Variants in ARHGAP6 observed in about 807,000 individuals in gnomAD.
The protein encoded by ARHGAP6 is Rho GTPase activating protein 6.
ARHGAP6 carries 16 observed loss-of-function variants against 55.7 expected under a neutral mutation model. The observed-to-expected ratio is 0.29, with a 90% confidence interval of 0.19 to 0.44. The LOEUF is 0.44. Among genes scored for constraint, ARHGAP6 ranks in the 20% least tolerant of loss-of-function variants. ARHGAP6 has a pLI of 1.00. For synonymous variants in ARHGAP6, 382 were observed against 360.9 expected (o/e 1.06, Z -0.66); for missense variants, 698 against 808.9 (o/e 0.86, Z 1.66).
At chrX:11,396,425 C>T (rs2049478519) in intron 1 of ARHGAP6, among the ~76,000 whole-genome samples, 1 of 111,260 alleles carries the variant, frequency 9.0e-6, no homozygotes, top group South Asian at 3.8e-4. Context: ...ATGACTGCTC[C>T]CTCTTACTGT....
intron 2 of ARHGAP6, among the ~76,000 whole-genome samples, chrX:11,234,621 A>G (rs1257818179): frequency 2.7e-5 from 3 of 112,395 alleles, no homozygotes; most frequent in Non-Finnish European, 5.6e-5. Flanking sequence ...GGGTTGCCAA[A>G]TGTTGCAAAA....
At chrX:11,611,781 T>C (rs1285596255) in intron 1 of ARHGAP6, among the ~76,000 whole-genome samples, 2 of 111,613 alleles carry the variant, frequency 1.8e-5, no homozygotes, top group South Asian at 3.8e-4. Flanking sequence ...CAAGTTTTCT[T>C]GGAGTTCCCC....
intron 1 of ARHGAP6, among the ~76,000 whole-genome samples, chrX:11,472,482 C>T (rs2050357531): frequency 9.0e-6 from 1 of 111,421 alleles, no homozygotes; most frequent in African/African-American, 3.3e-5. Context: ...GCAGAGAGTT[C>T]TAGGCAGTGG....
chrX:11,470,372 A>G (rs1471373847), intron 1 of ARHGAP6, among the ~76,000 whole-genome samples: 1 of 111,978 alleles, frequency 8.9e-6, no homozygotes, highest in Non-Finnish European at 1.9e-5. Flanking sequence ...ATTCACCAAG[A>G]GCCTCTGGGC....
chrX:11,477,262 G>A (rs1345828978), intron 1 of ARHGAP6, among the ~76,000 whole-genome samples: 2 of 110,865 alleles, frequency 1.8e-5, no homozygotes, highest in African/African-American at 3.3e-5. Flanking sequence ...ATATTTATCA[G>A]CACTATTCAT....
intron 2 of ARHGAP6, among the ~76,000 whole-genome samples, chrX:11,202,363 C>A (rs181924471): frequency 1.8e-5 from 2 of 110,821 alleles, no homozygotes; most frequent in East Asian, 5.7e-4. Flanking sequence ...GGTACTGTTC[C>A]CATAACCCTA....
chrX:11,207,096 A>T (rs1230165273), intron 2 of ARHGAP6, among the ~76,000 whole-genome samples: 5 of 110,935 alleles, frequency 4.5e-5, no homozygotes, highest in African/African-American at 1.6e-4. Flanking sequence ...TCCTGGAGAG[A>T]CTCCACATAT....
At chrX:11,404,218 TC>T (rs779943099) in intron 1 of ARHGAP6, among the ~76,000 whole-genome samples, 11 of 111,147 alleles carry the variant, frequency 9.9e-5, no homozygotes, top group African/African-American at 3.6e-4. Context: ...ATCTGTCTTG[TC>T]CCCCTACCAT....
intron 1 of ARHGAP6, among the ~76,000 whole-genome samples, chrX:11,372,809 A>G (rs1008493968): frequency 9.4e-6 from 1 of 106,918 alleles, no homozygotes; most frequent in African/African-American, 3.4e-5. Flanking sequence ...AAAGAAAAGA[A>G]ACGAAATTAT....
chrX:11,168,129 C>T (rs774556015), intron 9 of ARHGAP6, among the ~76,000 whole-genome samples: 16 of 111,483 alleles, frequency 1.4e-4, no homozygotes, highest in South Asian at 1.1e-3. Context: ...TGGGGTTGCC[C>T]GTAAAACTCT....
chrX:11,272,494 C>T (rs1335344570), intron 1 of ARHGAP6, among the ~76,000 whole-genome samples: 2 of 109,901 alleles, frequency 1.8e-5, no homozygotes, highest in African/African-American at 6.6e-5. Flanking sequence ...GCCTCCACTC[C>T]TCATTTCTTG....
chrX:11,600,613 G>A (rs1016342559), intron 1 of ARHGAP6, among the ~76,000 whole-genome samples: 5 of 112,071 alleles, frequency 4.5e-5, no homozygotes, highest in Admixed American at 9.4e-5. Context: ...CTTGGAAGAA[G>A]CCCTTACCAA....
intron 9 of ARHGAP6, among the ~76,000 whole-genome samples, chrX:11,161,826 T>C: frequency 8.9e-6 from 1 of 111,961 alleles, no homozygotes; most frequent in Non-Finnish European, 1.9e-5. Context: ...AACTCAGTTA[T>C]GGGATTTTCT....
At chrX:11,209,917 T>A (rs1340400726) in intron 2 of ARHGAP6, among the ~76,000 whole-genome samples, 1 of 112,240 alleles carries the variant, frequency 8.9e-6, no homozygotes, top group Non-Finnish European at 1.9e-5. Context: ...ACCAGTTGAC[T>A]TTTTTTGAAG....
chrX:11,175,023 A>T (rs1186672054), intron 8 of ARHGAP6, among the ~76,000 whole-genome samples: 1 of 111,190 alleles, frequency 9.0e-6, no homozygotes, highest in Non-Finnish European at 1.9e-5. Context: ...AAATGTTTAT[A>T]ATAGGAATTG....
intron 2 of ARHGAP6, among the ~76,000 whole-genome samples, chrX:11,205,942 C>T (rs1201186535): frequency 1.8e-5 from 2 of 112,083 alleles, no homozygotes; most frequent in East Asian, 2.8e-4. Context: ...GGAGTATTGA[C>T]AGCTATTAGA....
At chrX:11,178,483 T>TA (rs76166465) in intron 7 of ARHGAP6, among the ~76,000 whole-genome samples, 1,685 of 96,796 alleles carry the variant, frequency 0.017, 23 homozygotes, top group African/African-American at 0.05. Flanking sequence ...GTAATCCAGG[T>TA]AAAAAAAAAA....
intron 1 of ARHGAP6, among the ~76,000 whole-genome samples, chrX:11,566,209 G>T (rs1449891997): frequency 8.9e-6 from 1 of 112,132 alleles, no homozygotes; most frequent in African/African-American, 3.2e-5. Flanking sequence ...AGTGAAGGAG[G>T]TTTCCTGGAA....
At chrX:11,298,219 T>C (rs764237259) in intron 1 of ARHGAP6, 2 of 1,211,115 alleles carry the variant, frequency 1.7e-6, no homozygotes, top group East Asian at 3.0e-5. Context: ...TGGGTTCTAA[T>C]ATCTTTTTCT....
Sources: allele counts gnomAD v4.1 joint callset (sites outside exome capture counted in the v4.1 genomes callset), GRCh38; gene constraint gnomAD v4.1.1; transcripts MANE v1.5; gene names NCBI Gene and HGNC (gene_info 2026-07-23, HGNC 2026-07-21).